ABCC12: variants seen among roughly 807,000 people sequenced by gnomAD.
The protein encoded by ABCC12 is ATP-binding cassette sub-family C member 12.
In ABCC12, 142 loss-of-function variants were observed where a neutral mutation model predicts 151.1. The observed-to-expected ratio is 0.94, with a 90% CI of 0.82 to 1.08. The LOEUF (loss-of-function observed/expected upper bound fraction) is 1.08. ABCC12 is among the 50% of genes least tolerant of loss of function. The pLI is 0.00. For synonymous variants in ABCC12, 645 were observed against 646.4 expected, an observed-to-expected ratio of 1.00 and a Z score of 0.03; for missense variants, 1,638 against 1,691.1, an observed-to-expected ratio of 0.97 and a Z score of 0.55.
chr16:48,104,328 G>A lies in ABCC12; in HGVS notation c.2714C>T (p.Thr905Ile). Residue 905 changes from threonine to isoleucine, a missense_variant, in exon 22 of 31, where the codon ACT becomes ATT. Thr to Ile is a moderately conservative substitution (Grantham distance 89). Coordinates refer to ENST00000311303, the MANE Select transcript of ABCC12 (RefSeq NM_001393797.1). ...GGAAAAACGGTTCATTAGCCTGCCA[G>A]TGGGAGTCGTGTCAAAGAAACTCAT... ...SPMSFFDTTP[T>I]GRLMNRFSKD... 1 of 1,614,256 alleles carries A rather than the reference G, an allele frequency of 6.2e-7. No homozygotes were observed. The highest frequency in any genetic ancestry group is 1.7e-5 in the Admixed American group (1 of 60,036).
Position 48,138,315 on chromosome 16 carries a change from G to A in ABCC12, c.892C>T (p.Arg298Ter), listed in dbSNP as rs142926867. Residue 298 changes from arginine to a stop codon, truncating the protein, a stop_gained, in exon 8 of 31, where the codon CGA becomes TGA. Transcript: ENST00000311303. LOFTEE classifies it high-confidence loss of function. ...AGAAACTCATTCATTGTCTGAACTC[G>A]CTTGTCTGTCACCAAAATTGCTGAC... is the stretch of plus-strand genomic sequence containing the variant. Reference protein sequence around the residue: ...RRSAILVTDKRVQTMNEFLTC... With the variant: ...RRSAILVTDK The A allele has an allele frequency of 1.1e-4, 181 of 1,613,892 alleles. No homozygotes were observed. The African/African-American group carries it at 1.4e-3, about 13-fold the overall frequency.
intron 29 of ABCC12, 115 bp from the exon 30 acceptor site, chr16:48,084,188 A>C: frequency 9.2e-7 from 1 of 1,088,876 alleles, no homozygotes; most frequent in Non-Finnish European, 1.3e-6. Flanking sequence ...CAAGATGAAA[A>C]GTAATTAGCT....
intron 27 of ABCC12, 138 bp from the exon 28 acceptor site, chr16:48,086,957 G>A (rs1405738909): frequency 4.1e-6 from 3 of 727,656 alleles, no homozygotes; most frequent in Non-Finnish European, 7.3e-6. Context: ...ATAGTGCTCA[G>A]TACAGGACAG....
rs564585872 is a variant in ABCC12 at position 48,142,717 on chromosome 16, T to A, written c.275+1193A>T. 4.6e-5 allele frequency among the ~76,000 whole-genome samples: 7 copies of A among 152,328 alleles called. No individual in the cohort carries two copies. The East Asian group carries it at 1.3e-3, about 29-fold the overall frequency. On this transcript the variant is annotated intron_variant, in intron 4 of 30. Transcript: ENST00000311303. ...AGTTCAATGCAGCTGCTGGAAAAAATGAAGTTGATGTCTTCATCCTAACAT... is the reference window on the plus strand; with the variant it reads ...AGTTCAATGCAGCTGCTGGAAAAAAAGAAGTTGATGTCTTCATCCTAACAT...
In ABCC12 at chr16:48,082,030, G is replaced by A. The variant is rs913248423; in HGVS notation, c.*1685C>T. On this transcript the variant is annotated 3_prime_UTR_variant, in exon 31 of 31. Coordinates refer to ENST00000311303, the MANE Select transcript of ABCC12 (RefSeq NM_001393797.1). ...TCAGCTGGGAGCAGCTGCTCAGAAC[G>A]CTGTGGATGTGGGTTTAATGACCTT... is the stretch of plus-strand genomic sequence containing the variant. Among the ~76,000 whole-genome samples the A allele has an allele frequency of 1.3e-5, 2 of 152,162 alleles. No homozygotes were observed. Among genetic ancestry groups the A allele is most frequent in the Non-Finnish European group, 2.9e-5 (2 of 68,020 alleles).
chr16:48,144,021 G>A lies in ABCC12; in HGVS notation c.164C>T (p.Ala55Val), dbSNP rs374682735. Reference protein sequence around the residue: ...PVDDAGLLSFATFSWLTPVMV... With the variant: ...PVDDAGLLSFVTFSWLTPVMV... The stretch of plus-strand genomic sequence containing the variant: ...CACCGGCGTGAGCCAGGAAAATGTG[G>A]CGAAGGAGAGTAGCCCGGCATCATC... Residue 55 changes from alanine (A) to valine (V), a missense_variant, in exon 4 of 31, where the codon GCC (alanine) becomes GTC (valine). Physicochemically the swap from Ala to Val is moderately conservative, Grantham distance 64. Coordinates refer to ENST00000311303, the MANE Select transcript of ABCC12 (RefSeq NM_001393797.1). 1 of 1,614,174 alleles carries A rather than the reference G, an allele frequency of 6.2e-7. No individual in the cohort carries two copies. Among genetic ancestry groups the A allele is most frequent in the African/African-American group, 1.3e-5 (1 of 75,054 alleles).
chr16:48,100,597 A>G (rs1218453078), intron 23 of ABCC12, among the ~76,000 whole-genome samples: 1 of 152,126 alleles, frequency 6.6e-6, no homozygotes, highest in African/African-American at 2.4e-5. Flanking sequence ...TCTTTTCCCT[A>G]TCTTCCTGAA....
chr16:48,096,898 G>T lies in ABCC12; in HGVS notation c.3043C>A (p.Leu1015Ile). The T allele has an allele frequency of 1.2e-6, 2 of 1,614,114 alleles. No individual in the cohort carries two copies. The highest frequency in any genetic ancestry group is 1.1e-5 in the South Asian group (1 of 91,070). The part of the protein sequence containing the change: ...GKKESCITYH[L>I]LYFNCALRWF... The stretch of plus-strand genomic sequence containing the variant: ...CTGAGAGCACAGTTAAAGTAGAGGA[G>T]GTGACTGGAGTTTTCGTCGTTTAGC... The change falls in exon 24 of 31, where the codon CTC (leucine) becomes ATC (isoleucine). Residue 1015 changes from leucine (L) to isoleucine (I), a missense_variant. Coordinates refer to ENST00000311303, the MANE Select transcript of ABCC12 (RefSeq NM_001393797.1).
In ABCC12 at chr16:48,083,988, C is replaced by T. The variant is rs752772848; in HGVS notation, c.3914G>A (p.Gly1305Asp). The change falls in exon 30 of 31, where the codon GGC becomes GAC. Residue 1305 changes from glycine to aspartate, a missense_variant. Physicochemically the swap from Gly to Asp is moderately conservative, Grantham distance 94. Transcript: ENST00000311303. ...GTGGGCGATGGTCAGCACAGTGCAGCCCTTGAAGGCATCTTTGATGGTGTT... is the reference window on the plus strand; with the variant it reads ...GTGGGCGATGGTCAGCACAGTGCAGTCCTTGAAGGCATCTTTGATGGTGTT... ...VQNTIKDAFK[G>D]CTVLTIAHRL... The T allele has an allele frequency of 6.2e-7, 1 of 1,612,964 alleles. No homozygotes were observed. The highest frequency in any genetic ancestry group is 1.1e-5 in the South Asian group (1 of 90,708).
intron 14 of ABCC12, among the ~76,000 whole-genome samples, chr16:48,116,284 C>T (rs946747354): frequency 1.3e-5 from 2 of 152,174 alleles, no homozygotes; most frequent in African/African-American, 4.8e-5. Flanking sequence ...GGGCGGGACA[C>T]ACAAGCTGGA....
At position 48,124,304 on chromosome 16, in the gene ABCC12, G is replaced by A. The variant is rs773903069; in HGVS notation, c.1516-20C>T. On this transcript the variant is annotated intron_variant, in intron 11 of 30. Transcript: ENST00000311303. ...CTTCCCCTGCCAGAGAAACAGAGAT[G>A]GGACACAGTCACTCTCTCCCACTTC... is the stretch of plus-strand genomic sequence containing the variant. The A allele has an allele frequency of 1.2e-6, 2 of 1,610,876 alleles. No homozygotes were observed. The highest frequency in any genetic ancestry group is 2.2e-5 in the South Asian group (2 of 91,012).
intron 13 of ABCC12, among the ~76,000 whole-genome samples, chr16:48,117,877 T>C (rs187826113): frequency 1.4e-4 from 22 of 152,276 alleles, no homozygotes; most frequent in African/African-American, 5.3e-4. Flanking sequence ...TTGGAGAGAA[T>C]GGAGTTTTCT....
In ABCC12 at chr16:48,107,464, T is replaced by G. The variant is rs780569181; in HGVS notation, c.2372-39A>C. ...GGAGAGGCCCAAGGGGCTGCAGACA[T>G]GAGCACATGGCAGGGGCTGACCTTC... On this transcript the variant is annotated intron_variant, in intron 19 of 30. Coordinates refer to ENST00000311303, the MANE Select transcript of ABCC12 (RefSeq NM_001393797.1). 56 of 1,570,936 alleles carry G rather than the reference T, an allele frequency of 3.6e-5. No individual in the cohort carries two copies. In the Middle Eastern group the frequency reaches 5.0e-4, roughly 14 times the overall value.
At chr16:48,137,094 G>A (rs1964635700) in intron 8 of ABCC12, among the ~76,000 whole-genome samples, 1 of 152,128 alleles carries the variant, frequency 6.6e-6, no homozygotes, top group Admixed American at 6.5e-5. Flanking sequence ...TGGATTGCAG[G>A]AGGGAGGGGG....
chr16:48,111,720 G>A (rs1963698307), intron 16 of ABCC12, 56 bp downstream of exon 16: 15 of 1,613,896 alleles, frequency 9.3e-6, no homozygotes, highest in South Asian at 4.4e-5. Flanking sequence ...TCCCAGGCAC[G>A]AAATCCTGAG....
chr16:48,139,911 A>G (rs942259173), intron 6 of ABCC12, among the ~76,000 whole-genome samples: 24 of 124,362 alleles, frequency 1.9e-4, no homozygotes, highest in South Asian at 6.5e-4. Flanking sequence ...CTTTTGAACC[A>G]TGATGACAGC....
rs1234227662 is a variant in ABCC12, at chr16:48,154,143, A to C, written c.-319-259T>G. ...TTGTGTTTTCCATGCAGAGCATCTG[A>C]GGGTTGGCAGGAGATGCCAAAAAGT... On this transcript the variant is annotated intron_variant, in intron 1 of 30. Coordinates refer to ENST00000311303, the MANE Select transcript of ABCC12 (RefSeq NM_001393797.1). 2.0e-5 allele frequency among the ~76,000 whole-genome samples: 3 copies of C among 152,100 alleles called. No homozygotes were observed. The East Asian group carries it at 5.8e-4, about 29-fold the overall frequency.
intron 13 of ABCC12, 108 bp downstream of exon 13, chr16:48,121,600 AATCAGAAT>A: frequency 1.5e-6 from 2 of 1,332,344 alleles, no homozygotes; most frequent in Admixed American, 2.1e-5. Flanking sequence ...ATGAATGTTT[AATCAGAAT>A]TCATTAAACT....
At chr16:48,094,625 C>T (rs926767352) in intron 24 of ABCC12, among the ~76,000 whole-genome samples, 17 of 152,330 alleles carry the variant, frequency 1.1e-4, no homozygotes, top group African/African-American at 4.1e-4. Context: ...GGCATGGGAG[C>T]ACACATGCAC....
Sources: gnomAD v4.1 joint callset for allele counts (sites outside exome capture counted in the v4.1 genomes callset) on GRCh38, gnomAD v4.1.1 for gene constraint, MANE v1.5 for transcripts, NCBI Gene and HGNC (gene_info 2026-07-23, HGNC 2026-07-21) for gene names.